Variants in APBB2 observed in about 807,000 individuals in gnomAD.
APBB2 encodes the protein amyloid beta precursor protein binding family B member 2.
A neutral mutation model predicts 82.5 loss-of-function variants in APBB2; 38 were observed. That is an observed-to-expected ratio of 0.46 (90% CI 0.36 to 0.60). APBB2 has a LOEUF of 0.60. APBB2 is among the 20% of genes least tolerant of loss of function. The pLI is 0.00. For synonymous variants in APBB2, 341 were observed against 368.2 expected, an observed-to-expected ratio of 0.93 and a Z score of 0.85; for missense variants, 772 against 972.3, an observed-to-expected ratio of 0.79 and a Z score of 2.74.
chr4:41,007,235 G>C (rs1807010301), intron 6 of APBB2, among the ~76,000 whole-genome samples: 2 of 151,910 alleles, frequency 1.3e-5, no homozygotes, highest in Non-Finnish European at 2.9e-5. Flanking sequence ...GAGGAAGAGA[G>C]ACCTAAGCTG....
chr4:40,948,660 TG>T (rs1206674530), intron 6 of APBB2, among the ~76,000 whole-genome samples: 6 of 149,940 alleles, frequency 4.0e-5, no homozygotes, highest in Non-Finnish European at 8.9e-5. Context: ...CTCGGAAGGC[TG>T]AGGAAGGAGA....
At chr4:40,932,087 T>C (rs142103457) in intron 10 of APBB2, among the ~76,000 whole-genome samples, 236 of 152,334 alleles carry the variant, frequency 1.5e-3, no homozygotes, top group Middle Eastern at 3.4e-3. Context: ...TTGGATTTAA[T>C]GGAACCAGTC....
At chr4:41,024,128 A>G (rs948004816) in intron 5 of APBB2, among the ~76,000 whole-genome samples, 2 of 152,352 alleles carry the variant, frequency 1.3e-5, no homozygotes, top group African/African-American at 4.8e-5. Flanking sequence ...CCGGCTAGCC[A>G]TATGCAAAAG....
intron 3 of APBB2, among the ~76,000 whole-genome samples, chr4:41,082,085 T>C (rs952800774): frequency 1.2e-4 from 18 of 152,240 alleles, no homozygotes; most frequent in South Asian, 2.1e-4. Context: ...TAGACAAACA[T>C]TGGATCACAG....
chr4:40,936,178 T>C (rs942147361), intron 7 of APBB2, among the ~76,000 whole-genome samples: 2 of 152,214 alleles, frequency 1.3e-5, no homozygotes, highest in African/African-American at 2.4e-5. Flanking sequence ...ACAACATTGA[T>C]ACAGTTTTAA....
chr4:40,878,482 GTT>G (rs1767496791), intron 12 of APBB2, among the ~76,000 whole-genome samples: 1 of 152,132 alleles, frequency 6.6e-6, no homozygotes, highest in Non-Finnish European at 1.5e-5. Flanking sequence ...TTACCTGCCT[GTT>G]TGCCATGTCA....
intron 12 of APBB2, among the ~76,000 whole-genome samples, chr4:40,865,571 C>T (rs1466792784): frequency 1.3e-5 from 2 of 152,192 alleles, no homozygotes; most frequent in Admixed American, 6.5e-5. Flanking sequence ...GCTTTCTGAA[C>T]CTTGCTTCCT....
rs1025615569 is a variant in APBB2 at position 40,816,042 on chromosome 4, T to C, written c.*50A>G. ...GGATGGCGGAGTTCATTTTCTTTAG[T>C]GTAGCTAGTCAATCTTCAGGTAAAT... is the stretch of plus-strand genomic sequence containing the variant. On this transcript the variant is annotated 3_prime_UTR_variant, in exon 18 of 18. Coordinates refer to ENST00000508593, the MANE Select transcript of APBB2 (RefSeq NM_004307.2). The C allele has an allele frequency of 5.7e-6, 9 of 1,590,890 alleles. No individual in the cohort carries two copies. Among genetic ancestry groups the C allele is most frequent in the Admixed American group, 1.7e-5 (1 of 58,366 alleles).
At chr4:41,145,300 C>T (rs2154023582) in intron 1 of APBB2, among the ~76,000 whole-genome samples, 1 of 152,164 alleles carries the variant, frequency 6.6e-6, no homozygotes, top group Admixed American at 6.5e-5. Flanking sequence ...TCTAATAAGC[C>T]CGTGCCCAGA....
chr4:40,928,969 T>C (rs548751984), intron 10 of APBB2, among the ~76,000 whole-genome samples: 1 of 148,214 alleles, frequency 6.7e-6, no homozygotes, highest in East Asian at 2.0e-4. Context: ...CTAGATTAGA[T>C]CCTGGAACAG....
intron 10 of APBB2, among the ~76,000 whole-genome samples, chr4:40,930,774 G>A (rs543102452): frequency 6.6e-6 from 1 of 152,056 alleles, no homozygotes; most frequent in Admixed American, 6.5e-5. Flanking sequence ...TTGAGACGGA[G>A]TCTCGCTCTG....
chr4:41,086,461 A>G (rs961712672), intron 3 of APBB2, among the ~76,000 whole-genome samples: 33 of 152,232 alleles, frequency 2.2e-4, no homozygotes, highest in African/African-American at 7.7e-4. Context: ...AAAGGATTAT[A>G]CACCATGATC....
At chr4:40,862,569 G>A (rs776494842) in intron 12 of APBB2, among the ~76,000 whole-genome samples, 20 of 152,114 alleles carry the variant, frequency 1.3e-4, no homozygotes, top group Non-Finnish European at 2.2e-4. Context: ...GATGGTGCCG[G>A]GCGGGTCCTA....
At chr4:41,063,950 ATTTTTTT>A (rs11422110) in intron 4 of APBB2, among the ~76,000 whole-genome samples, 8 of 91,794 alleles carry the variant, frequency 8.7e-5, no homozygotes, top group Non-Finnish European at 1.4e-4. Flanking sequence ...AAATGCTGGG[ATTTTTTT>A]TTTTTTTTTT....
intron 4 of APBB2, among the ~76,000 whole-genome samples, chr4:41,046,279 G>C (rs1723402667): frequency 6.6e-6 from 1 of 152,194 alleles, no homozygotes; most frequent in Non-Finnish European, 1.5e-5. Context: ...CATGTTAATA[G>C]GACTTCTTGT....
At chr4:41,019,500 T>G (rs768099428) in intron 5 of APBB2, among the ~76,000 whole-genome samples, 7 of 152,170 alleles carry the variant, frequency 4.6e-5, no homozygotes, top group Non-Finnish European at 7.3e-5. Flanking sequence ...GAGAAAGTTT[T>G]CCCAGAGAGG....
At chr4:41,194,668 A>T in intron 1 of APBB2, among the ~76,000 whole-genome samples, 1 of 152,132 alleles carries the variant, frequency 6.6e-6, no homozygotes, top group Non-Finnish European at 1.5e-5. Context: ...TGCCTCAAAA[A>T]ATAAAATAAA....
intron 12 of APBB2, among the ~76,000 whole-genome samples, chr4:40,834,068 G>T (rs993383733): frequency 1.3e-5 from 2 of 152,072 alleles, no homozygotes; most frequent in African/African-American, 4.8e-5. Flanking sequence ...AGCTTCCCCA[G>T]GGAGAAACTC....
chr4:41,195,386 T>C, intron 1 of APBB2, among the ~76,000 whole-genome samples: 1 of 152,110 alleles, frequency 6.6e-6, no homozygotes, highest in Non-Finnish European at 1.5e-5. Context: ...CACCCCACAT[T>C]CAGTCCATCA....
Sources: gnomAD v4.1 joint callset for allele counts (sites outside exome capture counted in the v4.1 genomes callset) on GRCh38, gnomAD v4.1.1 for gene constraint, MANE v1.5 for transcripts, NCBI Gene and HGNC (gene_info 2026-07-23, HGNC 2026-07-21) for gene names.